Variants in SLC30A6 observed in about 807,000 individuals in gnomAD.
The protein encoded by SLC30A6 is solute carrier family 30 member 6, also known as zinc transporter 6.
A neutral mutation model predicts 63.0 loss-of-function variants in SLC30A6; 55 were observed. The ratio of observed to expected loss-of-function variants is 0.87; its 90% CI spans 0.70 to 1.09. The LOEUF (loss-of-function observed/expected upper bound fraction) is 1.09. Among genes scored for constraint, SLC30A6 ranks in the 50% least tolerant of loss-of-function variants. The pLI is 0.00. For missense variants in SLC30A6, 587 were observed against 549.2 expected (o/e 1.07, Z -0.69); for synonymous variants, 224 against 186.1 (o/e 1.20, Z -1.66).
intron 5 of SLC30A6, chr2:32,187,449 G>A (rs774888616): frequency 5.6e-5 from 19 of 340,254 alleles, no homozygotes; most frequent in Non-Finnish European, 8.7e-5. Flanking sequence ...AGACAAGGTC[G>A]TGTAAGGACA....
chr2:32,176,850 G>A (rs1322798465), intron 4 of SLC30A6, among the ~76,000 whole-genome samples: 1 of 149,980 alleles, frequency 6.7e-6, no homozygotes, highest in Non-Finnish European at 1.5e-5. Context: ...TCAGCTCACT[G>A]CAACCTTCGC....
At chr2:32,180,260 A>C (rs959916002) in intron 4 of SLC30A6, among the ~76,000 whole-genome samples, 1 of 151,964 alleles carries the variant, frequency 6.6e-6, no homozygotes, top group Non-Finnish European at 1.5e-5. Context: ...AAAATTAGCC[A>C]AGTTTGGTGG....
intron 13 of SLC30A6, among the ~76,000 whole-genome samples, chr2:32,217,239 C>T (rs992932744): frequency 6.6e-6 from 1 of 152,114 alleles, no homozygotes; most frequent in Non-Finnish European, 1.5e-5. Flanking sequence ...TTGAGTTAAT[C>T]TTTTTATATG....
At chr2:32,202,822 T>C (rs1172551535) in intron 10 of SLC30A6, 1 of 799,106 alleles carries the variant, frequency 1.3e-6, no homozygotes, top group African/African-American at 1.7e-5. Context: ...AAAAAATGAG[T>C]GAAATCCAGA....
At chr2:32,196,486 G>C (rs1183880239) in intron 8 of SLC30A6, among the ~76,000 whole-genome samples, 1 of 152,078 alleles carries the variant, frequency 6.6e-6, no homozygotes, top group East Asian at 1.9e-4. Context: ...TGAGAGTTGA[G>C]GGAATTAATT....
At chr2:32,199,994 A>T (rs1684128152) in intron 10 of SLC30A6, among the ~76,000 whole-genome samples, 1 of 152,018 alleles carries the variant, frequency 6.6e-6, no homozygotes, top group Admixed American at 6.6e-5. Context: ...GCACACCTGT[A>T]ATCCCAACCA....
At chr2:32,208,233 C>G (rs1486695894) in intron 12 of SLC30A6, among the ~76,000 whole-genome samples, 1 of 151,592 alleles carries the variant, frequency 6.6e-6, no homozygotes, top group Admixed American at 6.6e-5. Flanking sequence ...TGAGTTCAAG[C>G]GATTCTCCTG....
intron 4 of SLC30A6, among the ~76,000 whole-genome samples, chr2:32,182,716 A>C (rs1422253781): frequency 6.6e-6 from 1 of 152,180 alleles, no homozygotes; most frequent in East Asian, 1.9e-4. Context: ...CCAAATTTTC[A>C]AATGTGCATT....
chr2:32,223,158 A>C lies in SLC30A6; in HGVS notation c.*2445A>C, dbSNP rs1387489039. 1 of 152,248 alleles carries C rather than the reference A, an allele frequency of 6.6e-6. No homozygotes were observed. The highest frequency in any genetic ancestry group is 1.5e-5 in the Non-Finnish European group (1 of 68,046). 9.4% of individuals were successfully genotyped at this position (152,248 alleles called of 1,614,324 possible). On this transcript the variant is annotated 3_prime_UTR_variant, in exon 14 of 14. Transcript: ENST00000282587. ...AAGTCTTATTTGCCAAGCTCTGACT[A>C]ACTTCTGGATATGAAAATAAGGAAC...
At chr2:32,185,650 T>A (rs1296656086) in intron 5 of SLC30A6, among the ~76,000 whole-genome samples, 1 of 152,112 alleles carries the variant, frequency 6.6e-6, no homozygotes, top group Non-Finnish European at 1.5e-5. Flanking sequence ...TAAACAAAAA[T>A]TTTAATGCAA....
chr2:32,187,907 A>G (rs913447061), intron 5 of SLC30A6, among the ~76,000 whole-genome samples: 1 of 152,148 alleles, frequency 6.6e-6, no homozygotes, highest in Non-Finnish European at 1.5e-5. Flanking sequence ...TGTCTCCACT[A>G]CTGCCAGCCC....
At chr2:32,202,136 CT>C in intron 10 of SLC30A6, 1 of 742,842 alleles carries the variant, frequency 1.3e-6, no homozygotes, top group Non-Finnish European at 2.2e-6. Flanking sequence ...TCCAATCTTC[CT>C]ATTTCTGAAG....
At chr2:32,169,663 C>G (rs907670523) in intron 1 of SLC30A6, among the ~76,000 whole-genome samples, 29 of 152,230 alleles carry the variant, frequency 1.9e-4, no homozygotes, top group Non-Finnish European at 2.6e-4. Context: ...CCTGTAGTCC[C>G]AGCTACTCCT....
chr2:32,174,060 C>T lies in SLC30A6; in HGVS notation c.91-3C>T. The T allele has an allele frequency of 6.2e-7, 1 of 1,609,958 alleles. No homozygotes were observed. The highest frequency in any genetic ancestry group is 1.1e-5 in the South Asian group (1 of 90,114). The stretch of plus-strand genomic sequence containing the variant: ...CACATAAGAGTGATTTTTATTTTCA[C>T]AGTCCTGGAAGATACTGCTCTTTGG... On this transcript the variant is annotated splice_polypyrimidine_tract_variant and splice_region_variant and intron_variant, in intron 2 of 13. Coordinates refer to ENST00000282587, the MANE Select transcript of SLC30A6 (RefSeq NM_017964.5).
chr2:32,206,174 CGGTG>C (rs1036042756), intron 11 of SLC30A6, among the ~76,000 whole-genome samples: 1 of 150,960 alleles, frequency 6.6e-6, no homozygotes, highest in African/African-American at 2.4e-5. Flanking sequence ...CGGCCGGGCG[CGGTG>C]GCTCATGCCT....
At chr2:32,192,234 A>G (rs1484160932) in intron 5 of SLC30A6, 102 bp from the exon 6 acceptor site, 2 of 980,994 alleles carry the variant, frequency 2.0e-6, no homozygotes, top group East Asian at 2.5e-5. Context: ...GACAGCACAT[A>G]TGTATATTAA....
At chr2:32,197,524 C>T (rs1366218269) in intron 9 of SLC30A6, 132 bp downstream of exon 9, 48 of 1,237,656 alleles carry the variant, frequency 3.9e-5, no homozygotes, top group East Asian at 2.4e-5. Flanking sequence ...GTTATTCTCC[C>T]TTTACTTTTT....
At chr2:32,176,323 G>A (rs1681733923) in intron 4 of SLC30A6, among the ~76,000 whole-genome samples, 2 of 152,086 alleles carry the variant, frequency 1.3e-5, no homozygotes, top group African/African-American at 2.4e-5. Context: ...TACCTGTGTC[G>A]CTGAGTGTAT....
chr2:32,202,005 T>TG, intron 10 of SLC30A6: 1 of 1,235,216 alleles, frequency 8.1e-7, no homozygotes, highest in Non-Finnish European at 1.1e-6. Context: ...ATCTACTGAA[T>TG]GAGATATTGA....
Sources: gnomAD v4.1 joint callset for allele counts (sites outside exome capture counted in the v4.1 genomes callset) on GRCh38, gnomAD v4.1.1 for gene constraint, MANE v1.5 for transcripts, NCBI Gene and HGNC (gene_info 2026-07-23, HGNC 2026-07-21) for gene names.